ERC1: variants seen among roughly 807,000 people sequenced by gnomAD.
ERC1 encodes the protein ELKS/RAB6-interacting/CAST family member 1.
In ERC1, 56 loss-of-function variants were observed where a neutral mutation model predicts 132.0. That is an observed-to-expected ratio of 0.42 (90% confidence interval 0.34 to 0.53). The LOEUF (loss-of-function observed/expected upper bound fraction) is 0.53. ERC1 is among the 20% of genes least tolerant of loss of function. ERC1 has a pLI of 0.03. For missense variants in ERC1, 1,202 were observed against 1,349.9 expected (o/e 0.89, Z 1.72); for synonymous variants, 478 against 476.1 (o/e 1.00, Z -0.05).
intron 17 of ERC1, among the ~76,000 whole-genome samples, chr12:1,418,599 CTT>C (rs754941588): frequency 7.3e-4 from 29 of 39,652 alleles, no homozygotes; most frequent in Non-Finnish European, 1.3e-3. Flanking sequence ...CTCTTTCTTT[CTT>C]TCTTTCTTTC....
chr12:1,344,737 G>A (rs1166207952), intron 15 of ERC1, among the ~76,000 whole-genome samples: 1 of 152,136 alleles, frequency 6.6e-6, no homozygotes, highest in East Asian at 1.9e-4. Flanking sequence ...TGTAAGAGAG[G>A]TATAATTATT....
chr12:1,026,438 A>G (rs1330500131), intron 1 of ERC1, among the ~76,000 whole-genome samples: 2 of 152,178 alleles, frequency 1.3e-5, no homozygotes, highest in African/African-American at 4.8e-5. Flanking sequence ...AAATTCCCAT[A>G]TATAATTTAG....
chr12:1,409,817 T>C (rs976362864), intron 17 of ERC1, among the ~76,000 whole-genome samples: 8 of 152,176 alleles, frequency 5.3e-5, no homozygotes, highest in Admixed American at 2.6e-4. Flanking sequence ...CAAGTGATTC[T>C]CCTGCCTCAC....
intron 17 of ERC1, among the ~76,000 whole-genome samples, chr12:1,440,832 G>A (rs538542606): frequency 5.9e-5 from 9 of 151,788 alleles, no homozygotes; most frequent in Non-Finnish European, 1.2e-4. Context: ...TTTTAGTAGA[G>A]ACAAGGTTTC....
chr12:1,093,099 A>G (rs1195960285), intron 3 of ERC1, among the ~76,000 whole-genome samples: 2 of 152,260 alleles, frequency 1.3e-5, no homozygotes, highest in Non-Finnish European at 2.9e-5. Flanking sequence ...GAAATAAGAT[A>G]GCATTAAAAT....
chr12:1,201,453 TGTA>T (rs1462535801), intron 12 of ERC1, among the ~76,000 whole-genome samples: 2 of 152,206 alleles, frequency 1.3e-5, no homozygotes, highest in Non-Finnish European at 2.9e-5. Context: ...TAAATGTACG[TGTA>T]GTAACCAAGT....
intron 18 of ERC1, among the ~76,000 whole-genome samples, chr12:1,479,447 A>C (rs559723734): frequency 3.3e-5 from 5 of 152,132 alleles, no homozygotes; most frequent in Non-Finnish European, 7.4e-5. Flanking sequence ...AACTTCTCCA[A>C]ATATTTTATG....
intron 18 of ERC1, among the ~76,000 whole-genome samples, chr12:1,488,032 G>T (rs2094261796): frequency 6.6e-6 from 1 of 151,650 alleles, no homozygotes; most frequent in Non-Finnish European, 1.5e-5. Flanking sequence ...CAGGTACTCG[G>T]AAGGCTGAGG....
At chr12:991,169 G>T (rs1278900991), upstream of ERC1, 1 of 142,484 alleles carries the variant, frequency 7.0e-6, no homozygotes, top group Admixed American at 6.9e-5. Flanking sequence ...GCCCCGCGGC[G>T]GGGCTGGGGG....
intron 12 of ERC1, among the ~76,000 whole-genome samples, chr12:1,211,620 C>T (rs1255169464): frequency 6.6e-6 from 1 of 152,088 alleles, no homozygotes; most frequent in Non-Finnish European, 1.5e-5. Flanking sequence ...AGTGCAATGG[C>T]GCAATCTTGG....
chr12:1,103,905 G>A (rs767860279), intron 3 of ERC1, among the ~76,000 whole-genome samples: 4 of 152,110 alleles, frequency 2.6e-5, no homozygotes, highest in African/African-American at 4.8e-5. Context: ...TGACTAGGTG[G>A]ATAGTTAAAG....
intron 14 of ERC1, among the ~76,000 whole-genome samples, chr12:1,273,637 G>C (rs960136584): frequency 6.6e-6 from 1 of 152,074 alleles, no homozygotes; most frequent in African/African-American, 2.4e-5. Context: ...CTGATATTTT[G>C]CTTTTATTTA....
Position 1,083,302 on chromosome 12 carries a change from C to T in ERC1, c.808C>T (p.Leu270Phe). The T allele has an allele frequency of 6.2e-7, 1 of 1,614,160 alleles. No homozygotes were observed. The highest frequency in any genetic ancestry group is 8.5e-7 in the Non-Finnish European group (1 of 1,180,022). The change falls in exon 3 of 19, where the codon CTT becomes TTT. Residue 270 changes from leucine to phenylalanine, a missense_variant. Transcript: ENST00000360905. ...GCTGACAGAGGAGAACTTTCAGAGG[C>T]TTCATGCTGAGCATGAGCGGCAGGC... ...AELTEENFQR[L>F]HAEHERQAKE...
intron 12 of ERC1, among the ~76,000 whole-genome samples, chr12:1,201,909 T>C (rs762973074): frequency 7.9e-5 from 12 of 152,078 alleles, no homozygotes; most frequent in Non-Finnish European, 1.6e-4. Flanking sequence ...GTGGTTAGAG[T>C]GGAAGAGAGA....
chr12:1,311,188 G>A (rs535637399), intron 15 of ERC1, among the ~76,000 whole-genome samples: 1 of 152,310 alleles, frequency 6.6e-6, no homozygotes, highest in African/African-American at 2.4e-5. Flanking sequence ...AGATACACCA[G>A]GGTTTGAATT....
intron 1 of ERC1, among the ~76,000 whole-genome samples, chr12:995,070 TG>T (rs1960534223): frequency 6.7e-6 from 1 of 148,406 alleles, no homozygotes. Context: ...CACTCCAGCC[TG>T]GGTGACAGAG....
In ERC1 at chr12:1,244,762, GC is replaced by G. The variant is rs1335398971; in HGVS notation, c.2487+7860del. On this transcript the variant is annotated intron_variant, in intron 13 of 18. Coordinates refer to ENST00000360905, the MANE Select transcript of ERC1 (RefSeq NM_178040.4). ...GGCTGGTCCTAGCATCATGTGATCTGCCTGCCTCGGCCTCTACAAGTGCTGG... is the reference window on the plus strand; with the variant it reads ...GGCTGGTCCTAGCATCATGTGATCTGCTGCCTCGGCCTCTACAAGTGCTGG... 2.5e-5 allele frequency: 7 copies of G among 285,568 alleles called. No homozygotes were observed. The East Asian group carries it at 7.1e-4, about 29-fold the overall frequency. 17.7% of individuals were successfully genotyped at this position (285,568 alleles called of 1,614,324 possible). A position where few individuals can be genotyped will look rare whatever the true frequency, so the allele number is the denominator to read the frequency against.
chr12:1,047,714 C>G (rs1430300732), intron 2 of ERC1, among the ~76,000 whole-genome samples: 1 of 152,102 alleles, frequency 6.6e-6, no homozygotes, highest in African/African-American at 2.4e-5. Flanking sequence ...TTAAACCTCA[C>G]TATATTCTGG....
intron 13 of ERC1, among the ~76,000 whole-genome samples, chr12:1,248,044 A>G (rs2076261477): frequency 6.6e-6 from 1 of 152,204 alleles, no homozygotes; most frequent in Non-Finnish European, 1.5e-5. Context: ...TGATCGTTCT[A>G]AAGATTAGAC....
Sources: allele counts gnomAD v4.1 joint callset (sites outside exome capture counted in the v4.1 genomes callset), GRCh38; gene constraint gnomAD v4.1.1; transcripts MANE v1.5; gene names NCBI Gene and HGNC (gene_info 2026-07-23, HGNC 2026-07-21).